The following KIAA2012 variants were observed in gnomAD, a reference collection of about 807,000 sequenced individuals.
KIAA2012 encodes KIAA2012.
Under a neutral mutation model 150.6 loss-of-function variants are expected in KIAA2012, and 125 were observed. The observed-to-expected ratio is 0.83, with a 90% CI of 0.72 to 0.96. The LOEUF (loss-of-function observed/expected upper bound fraction) is 0.96. KIAA2012 is among the 40% of genes least tolerant of loss of function. KIAA2012 has a pLI of 0.00. For missense variants in KIAA2012, 1,219 were observed against 1,354.9 expected, an observed-to-expected ratio of 0.90 and a Z score of 1.57; for synonymous variants, 462 against 504.7, an observed-to-expected ratio of 0.92 and a Z score of 1.13.
chr2:202,163,781 A>ATTTTTTT (rs902559663), intron 14 of KIAA2012, among the ~76,000 whole-genome samples: 6 of 106,386 alleles, frequency 5.6e-5, no homozygotes, highest in Non-Finnish European at 7.5e-5. Context: ...TATTCAGGGA[A>ATTTTTTT]TTTTTTTTTT....
At chr2:202,196,749 T>C in intron 21 of KIAA2012, 51 bp from the exon 22 acceptor site, 1 of 1,512,118 alleles carries the variant, frequency 6.6e-7, no homozygotes. Context: ...CCGAAAATTG[T>C]TTTCCCTAAA....
chr2:202,165,520 G>C (rs1203907697), intron 15 of KIAA2012, among the ~76,000 whole-genome samples, 164 bp downstream of exon 15: 1 of 152,200 alleles, frequency 6.6e-6, no homozygotes, highest in East Asian at 1.9e-4. Flanking sequence ...CCAGGAGTTT[G>C]AGGCCAGCTT....
At chr2:202,140,219 C>T (rs1322283286) in intron 13 of KIAA2012, among the ~76,000 whole-genome samples, 1 of 152,030 alleles carries the variant, frequency 6.6e-6, no homozygotes, top group African/African-American at 2.4e-5. Context: ...CAGAGCAAGA[C>T]TCCGTCTCAA....
At chr2:202,082,326 G>A (rs2105910191) in intron 2 of KIAA2012, among the ~76,000 whole-genome samples, 1 of 152,216 alleles carries the variant, frequency 6.6e-6, no homozygotes, top group East Asian at 1.9e-4. Context: ...CTGCACTCCA[G>A]CCTGAGTGAC....
At chr2:202,195,141 TATATG>T (rs541468025) in intron 21 of KIAA2012, among the ~76,000 whole-genome samples, 70 of 152,280 alleles carry the variant, frequency 4.6e-4, no homozygotes, top group African/African-American at 1.6e-3. Flanking sequence ...GTTTGGCACA[TATATG>T]ATATGTAATT....
chr2:202,103,564 G>A (rs909891923), intron 8 of KIAA2012, among the ~76,000 whole-genome samples: 8 of 152,100 alleles, frequency 5.3e-5, no homozygotes, highest in African/African-American at 1.9e-4. Context: ...AGTAAGTACT[G>A]GATTTAGCTG....
intron 11 of KIAA2012, among the ~76,000 whole-genome samples, chr2:202,119,858 T>C (rs1690617010): frequency 6.6e-6 from 1 of 152,214 alleles, no homozygotes; most frequent in African/African-American, 2.4e-5. Flanking sequence ...CATCTTGAAT[T>C]GTAACTCCCA....
At position 202,077,831 on chromosome 2, in the gene KIAA2012, T is replaced by C. The variant is rs148580407; in HGVS notation, c.369+2656T>C. On this transcript the variant is annotated intron_variant, in intron 2 of 23. Coordinates refer to ENST00000498697, the MANE Select transcript of KIAA2012 (RefSeq NM_001277372.4). ...ATCAAAATAAAAATAATACAAATTATTTAAAAAGAAAAGAAAAGGAAAGGA... is the reference window on the plus strand; with the variant it reads ...ATCAAAATAAAAATAATACAAATTACTTAAAAAGAAAAGAAAAGGAAAGGA... Among the ~76,000 whole-genome samples the C allele has an allele frequency of 7.2e-5, 11 of 152,156 alleles. No individual in the cohort carries two copies. The East Asian group carries it at 2.1e-3, about 29-fold the overall frequency.
At chr2:202,189,708 A>G (rs1692292648) in intron 18 of KIAA2012, among the ~76,000 whole-genome samples, 1 of 152,196 alleles carries the variant, frequency 6.6e-6, no homozygotes, top group African/African-American at 2.4e-5. Context: ...GGTGTTTGTT[A>G]CAATGCAGAT....
intron 23 of KIAA2012, among the ~76,000 whole-genome samples, chr2:202,203,833 G>C (rs1440094384): frequency 6.7e-6 from 1 of 150,180 alleles, no homozygotes; most frequent in Non-Finnish European, 1.5e-5. Context: ...GCAGTGGCAC[G>C]ATCTCGGCTC....
At chr2:202,098,769 C>G (rs1689960307) in intron 5 of KIAA2012, among the ~76,000 whole-genome samples, 1 of 149,784 alleles carries the variant, frequency 6.7e-6, no homozygotes. Flanking sequence ...AATGTAGAAA[C>G]ACTTTCTAAA....
intron 15 of KIAA2012, chr2:202,178,842 C>T: frequency 4.9e-6 from 1 of 203,836 alleles, no homozygotes; most frequent in Non-Finnish European, 9.9e-6. Flanking sequence ...TGGACACCTC[C>T]CTGAACCTGA....
chr2:202,201,989 GC>G (rs1645373922), intron 22 of KIAA2012: 4 of 613,352 alleles, frequency 6.5e-6, no homozygotes, highest in Non-Finnish European at 1.2e-5. Context: ...CATCTGTCTA[GC>G]GTTACCCAAC....
At chr2:202,086,887 T>C (rs903282544) in intron 2 of KIAA2012, among the ~76,000 whole-genome samples, 1 of 152,188 alleles carries the variant, frequency 6.6e-6, no homozygotes, top group Non-Finnish European at 1.5e-5. Flanking sequence ...CATCCCCTTT[T>C]TTCCAGTGCT....
intron 9 of KIAA2012, among the ~76,000 whole-genome samples, chr2:202,108,986 T>C (rs1002423910): frequency 1.3e-5 from 2 of 152,162 alleles, no homozygotes; most frequent in African/African-American, 4.8e-5. Flanking sequence ...CCTGTTGCTG[T>C]TGAGAAGAGA....
In KIAA2012 at chr2:202,104,280, T is replaced by TA. The variant is rs1303163548; in HGVS notation, c.1324+1174dup. On this transcript the variant is annotated intron_variant, in intron 8 of 23. Transcript: ENST00000498697. The surrounding 1 kb of genome is among the most constrained non-coding windows in gnomAD (Gnocchi z 4.3). ...TGCCAAAAAAAATTACTCAGCTCCC[T>TA]AAAAAAAATAATAATAATAAATAAA... 6.6e-6 allele frequency among the ~76,000 whole-genome samples: 1 copy of TA among 152,078 alleles called. No homozygotes were observed. Among genetic ancestry groups the TA allele is most frequent in the African/African-American group, 2.4e-5 (1 of 41,496 alleles).
Position 202,099,611 on chromosome 2 carries a change from A to C in KIAA2012, c.829-2A>C, listed in dbSNP as rs1193325409. ...CAGGAATGTGTATCTGTCGTTCCCT[A>C]GGACACGTCAATAGAGAATCACCTT... On this transcript the variant is annotated splice_acceptor_variant, in intron 5 of 23. Transcript: ENST00000498697. LOFTEE classifies it high-confidence loss of function. 1 of 1,548,038 alleles carries C rather than the reference A, an allele frequency of 6.5e-7. No individual in the cohort carries two copies. Among genetic ancestry groups the C allele is most frequent in the Non-Finnish European group, 8.7e-7 (1 of 1,145,662 alleles).
chr2:202,083,173 T>C (rs1253794800), intron 2 of KIAA2012, among the ~76,000 whole-genome samples: 1 of 152,236 alleles, frequency 6.6e-6, no homozygotes, highest in Non-Finnish European at 1.5e-5. Flanking sequence ...CTTTCTTCTT[T>C]ATGGCCTTGT....
chr2:202,081,138 C>A (rs1303846033), intron 2 of KIAA2012, among the ~76,000 whole-genome samples: 3 of 152,184 alleles, frequency 2.0e-5, no homozygotes, highest in Non-Finnish European at 2.9e-5. Flanking sequence ...AATGTCTTCA[C>A]TCATTAGAAG....
Sources: gnomAD v4.1 joint callset for allele counts (sites outside exome capture counted in the v4.1 genomes callset) on GRCh38, gnomAD v4.1.1 for gene constraint, Gnocchi (gnomAD v3.1) non-coding constraint, MANE v1.5 for transcripts, NCBI Gene and HGNC (gene_info 2026-07-23, HGNC 2026-07-21) for gene names.